Variants in BABAM2 observed in about 807,000 individuals in gnomAD.
The protein encoded by BABAM2 is BRISC and BRCA1 A complex member 2, also known as BRISC and BRCA1-A complex member 2.
Under a neutral mutation model 54.7 loss-of-function variants are expected in BABAM2, and 31 were observed. That is an observed-to-expected ratio of 0.57 (90% CI 0.43 to 0.77). BABAM2 has a LOEUF of 0.77. Ranked by LOEUF, BABAM2 falls within the 30% of genes least tolerant of loss-of-function variation. The pLI is 0.00. For missense variants in BABAM2, 364 were observed against 455.8 expected (o/e 0.80, Z 1.83); for synonymous variants, 167 against 162.9 (o/e 1.03, Z -0.19).
At chr2:28,029,163 G>A (rs1676115662) in intron 5 of BABAM2, among the ~76,000 whole-genome samples, 1 of 152,136 alleles carries the variant, frequency 6.6e-6, no homozygotes, top group Non-Finnish European at 1.5e-5. Flanking sequence ...TACAAATCAA[G>A]TTGTTTGTTC....
At chr2:28,048,977 T>G (rs1362710455) in intron 6 of BABAM2, among the ~76,000 whole-genome samples, 1 of 152,230 alleles carries the variant, frequency 6.6e-6, no homozygotes, top group African/African-American at 2.4e-5. Context: ...AAGGCTGTGT[T>G]TTTGTTTTTG....
chr2:28,008,897 T>C (rs1351130135), intron 4 of BABAM2, among the ~76,000 whole-genome samples: 1 of 152,078 alleles, frequency 6.6e-6, no homozygotes, highest in African/African-American at 2.4e-5. Flanking sequence ...CCCCCCTGGA[T>C]ATGGGCAGCT....
chr2:28,245,585 C>A (rs1379274392), intron 10 of BABAM2, among the ~76,000 whole-genome samples: 1 of 152,106 alleles, frequency 6.6e-6, no homozygotes, highest in Non-Finnish European at 1.5e-5. Flanking sequence ...ACCAGTGACC[C>A]ATGGAGTCAG....
At chr2:28,088,897 G>A (rs1220537650) in intron 6 of BABAM2, among the ~76,000 whole-genome samples, 1 of 152,148 alleles carries the variant, frequency 6.6e-6, no homozygotes, top group Non-Finnish European at 1.5e-5. Flanking sequence ...TCATCTGTGT[G>A]TGTGTACCTG....
intron 9 of BABAM2, among the ~76,000 whole-genome samples, chr2:28,242,260 TCGCA>T (rs1682515249): frequency 6.6e-6 from 1 of 152,072 alleles, no homozygotes. Context: ...AAGCGGTGGC[TCGCA>T]CTTGAGGTTA....
chr2:28,321,931 T>C (rs1025745579), intron 11 of BABAM2, among the ~76,000 whole-genome samples: 2 of 150,198 alleles, frequency 1.3e-5, no homozygotes, highest in Non-Finnish European at 3.0e-5. Flanking sequence ...TTTATTCTGA[T>C]AAAGTGAGTT....
At chr2:27,920,075 A>G (rs1667240788) in intron 2 of BABAM2, among the ~76,000 whole-genome samples, 1 of 152,208 alleles carries the variant, frequency 6.6e-6, no homozygotes, top group Admixed American at 6.5e-5. Context: ...TAGGCTTTAG[A>G]GATAGAATGT....
rs763079886 is a variant in BABAM2 at position 28,244,872 on chromosome 2, C to T, written c.934+10C>T. 1.9e-6 allele frequency: 3 copies of T among 1,611,632 alleles called. No homozygotes were observed. The highest frequency in any genetic ancestry group is 2.5e-6 in the Non-Finnish European group (3 of 1,178,174). On this transcript the variant is annotated intron_variant, in intron 10 of 11. Transcript: ENST00000379624. Reference sequence around the variant, plus strand: ...TGTTTTCTTGTACACAGTGAGTATACTTTTGCTGTCAGCATGTCAGCATAC... The same window carrying T: ...TGTTTTCTTGTACACAGTGAGTATATTTTTGCTGTCAGCATGTCAGCATAC...
chr2:28,338,782 G>A lies in BABAM2; in HGVS notation c.*269G>A, dbSNP rs1296886729. 7.4e-6 allele frequency: 3 copies of A among 407,196 alleles called. No individual in the cohort carries two copies. The highest frequency in any genetic ancestry group is 1.4e-5 in the Non-Finnish European group (3 of 221,844). 25.2% of individuals were successfully genotyped at this position (407,196 alleles called of 1,614,324 possible). A position where few individuals can be genotyped will look rare whatever the true frequency, so the allele number is the denominator to read the frequency against. On this transcript the variant is annotated 3_prime_UTR_variant, in exon 12 of 12. Transcript: ENST00000379624. Reference sequence around the variant, plus strand: ...AAGAAATAAACTCACAAATTATGGTGCAGTAATTTTCCGGGGAAAGTAAAG... The same window carrying A: ...AAGAAATAAACTCACAAATTATGGTACAGTAATTTTCCGGGGAAAGTAAAG...
At chr2:27,981,677 T>G (rs1243816980) in intron 3 of BABAM2, among the ~76,000 whole-genome samples, 2 of 152,200 alleles carry the variant, frequency 1.3e-5, no homozygotes, top group Admixed American at 6.6e-5. Flanking sequence ...TTTATCCACA[T>G]TGGAGCATTA....
intron 3 of BABAM2, among the ~76,000 whole-genome samples, chr2:27,961,276 A>C (rs1420693304): frequency 6.6e-6 from 1 of 152,216 alleles, no homozygotes; most frequent in Non-Finnish European, 1.5e-5. Flanking sequence ...CCTCAAACTT[A>C]CAATGGTTCA....
chr2:28,175,980 G>A (rs1031029309), intron 7 of BABAM2, among the ~76,000 whole-genome samples: 5 of 152,152 alleles, frequency 3.3e-5, no homozygotes, highest in African/African-American at 4.8e-5. Flanking sequence ...GTTTACGGCT[G>A]AAGAAATAAT....
intron 9 of BABAM2, among the ~76,000 whole-genome samples, chr2:28,244,176 C>T (rs1558467277): frequency 6.6e-6 from 1 of 152,028 alleles, no homozygotes; most frequent in African/African-American, 2.4e-5. Flanking sequence ...TGCCTTAAGC[C>T]CAGTGGGAAG....
intron 5 of BABAM2, among the ~76,000 whole-genome samples, chr2:28,041,221 A>G (rs1677079976): frequency 6.6e-6 from 1 of 152,204 alleles, no homozygotes. Context: ...ATATATACAC[A>G]CCTCTGAGTT....
chr2:28,151,153 T>G (rs1030627595), intron 7 of BABAM2, among the ~76,000 whole-genome samples: 2 of 152,204 alleles, frequency 1.3e-5, no homozygotes, highest in African/African-American at 4.8e-5. Context: ...TATATGAGGT[T>G]TTTAATTTCT....
At chr2:28,314,966 A>ATC (rs1689389068) in intron 11 of BABAM2, among the ~76,000 whole-genome samples, 1 of 151,066 alleles carries the variant, frequency 6.6e-6, no homozygotes, top group South Asian at 2.1e-4. Context: ...GAAAGAAAAG[A>ATC]AAAGAGAAAA....
intron 5 of BABAM2, among the ~76,000 whole-genome samples, chr2:28,032,415 C>T (rs1440511435): frequency 1.3e-5 from 2 of 152,106 alleles, no homozygotes; most frequent in Non-Finnish European, 2.9e-5. Flanking sequence ...ACACTATTCT[C>T]CCCACCCTAT....
chr2:28,217,392 T>C (rs1404674594), intron 7 of BABAM2, among the ~76,000 whole-genome samples: 1 of 152,216 alleles, frequency 6.6e-6, no homozygotes, highest in Admixed American at 6.5e-5. Context: ...TATGGGTCAG[T>C]TTGTTCAACA....
At chr2:28,286,154 C>T (rs1305402103) in intron 10 of BABAM2, among the ~76,000 whole-genome samples, 3 of 151,964 alleles carry the variant, frequency 2.0e-5, no homozygotes, top group Admixed American at 1.3e-4. Context: ...CAGGGTTTCA[C>T]CATGTTGGCC....
Sources: gnomAD v4.1 joint callset for allele counts (sites outside exome capture counted in the v4.1 genomes callset) on GRCh38, gnomAD v4.1.1 for gene constraint, MANE v1.5 for transcripts, NCBI Gene and HGNC (gene_info 2026-07-23, HGNC 2026-07-21) for gene names.